EDIL3: variants seen among roughly 807,000 people sequenced by gnomAD.
EDIL3 encodes the protein EGF-like repeat and discoidin I-like domain-containing protein 3.
In EDIL3, 37 loss-of-function variants were observed where a neutral mutation model predicts 67.4. The ratio of observed to expected loss-of-function variants is 0.55; its 90% CI spans 0.42 to 0.72. The LOEUF (loss-of-function observed/expected upper bound fraction) is 0.72, where lower values mean the gene tolerates loss of function less well. Among genes scored for constraint, EDIL3 ranks in the 30% least tolerant of loss-of-function variants. The pLI is 0.00. For missense variants in EDIL3, 527 were observed against 586.3 expected (o/e 0.90, Z 1.04); for synonymous variants, 195 against 196.3 (o/e 0.99, Z 0.05).
chr5:84,278,555 T>C (rs1198584803), intron 1 of EDIL3, among the ~76,000 whole-genome samples: 1 of 152,172 alleles, frequency 6.6e-6, no homozygotes, highest in Admixed American at 6.6e-5. Context: ...CCCAATATTA[T>C]ATCAGGTATA....
chr5:84,229,298 G>A (rs1209451672), intron 3 of EDIL3, among the ~76,000 whole-genome samples: 1 of 152,026 alleles, frequency 6.6e-6, no homozygotes, highest in Non-Finnish European at 1.5e-5. Context: ...TAATTAGCTG[G>A]ATAAGGAACT....
intron 1 of EDIL3, among the ~76,000 whole-genome samples, chr5:84,259,391 T>C (rs1240140977): frequency 6.6e-6 from 1 of 152,248 alleles, no homozygotes; most frequent in African/African-American, 2.4e-5. Flanking sequence ...CTTCTGCATA[T>C]TGTAATGTGT....
intron 6 of EDIL3, among the ~76,000 whole-genome samples, chr5:84,101,487 A>G: frequency 6.6e-6 from 1 of 152,064 alleles, no homozygotes; most frequent in East Asian, 1.9e-4. Context: ...CCAAATAAAC[A>G]CAATTAGAAA....
chr5:84,142,538 AT>A (rs111321496), intron 4 of EDIL3, among the ~76,000 whole-genome samples: 2,121 of 152,136 alleles, frequency 0.014, 38 homozygotes, highest in East Asian at 0.038. Flanking sequence ...CCTCAGGAAA[AT>A]GCCATCTGTC....
intron 1 of EDIL3, among the ~76,000 whole-genome samples, chr5:84,270,708 A>G (rs1408450501): frequency 1.3e-5 from 2 of 152,208 alleles, no homozygotes; most frequent in African/African-American, 4.8e-5. Flanking sequence ...CACAATCATC[A>G]TAGGCCATGA....
chr5:84,161,648 T>C (rs960677557), intron 4 of EDIL3, among the ~76,000 whole-genome samples: 1 of 152,054 alleles, frequency 6.6e-6, no homozygotes, highest in Non-Finnish European at 1.5e-5. Context: ...TGTACCTTCC[T>C]TACTAAAATA....
At chr5:84,142,778 T>C (rs779805698) in intron 4 of EDIL3, among the ~76,000 whole-genome samples, 14 of 151,656 alleles carry the variant, frequency 9.2e-5, no homozygotes, top group Non-Finnish European at 1.3e-4. Flanking sequence ...GGGCTGAACA[T>C]ACTTTTTTGG....
chr5:84,180,608 GAA>G, intron 3 of EDIL3, 87 bp from the exon 4 acceptor site: 1 of 1,377,610 alleles, frequency 7.3e-7, no homozygotes, highest in Admixed American at 3.1e-5. Context: ...TAATTTTACA[GAA>G]AAAAGTGTTC....
At chr5:84,140,650 T>C (rs1748172283) in intron 4 of EDIL3, among the ~76,000 whole-genome samples, 1 of 152,140 alleles carries the variant, frequency 6.6e-6, no homozygotes, top group South Asian at 2.1e-4. Context: ...AAATGCTTTG[T>C]AGACACACTC....
chr5:83,982,429 G>A (rs997866320), intron 9 of EDIL3, among the ~76,000 whole-genome samples: 1 of 151,864 alleles, frequency 6.6e-6, no homozygotes, highest in African/African-American at 2.4e-5. Flanking sequence ...ATTATTCCAT[G>A]GCAAATCTCT....
chr5:83,964,736 G>A (rs751134854), intron 9 of EDIL3, among the ~76,000 whole-genome samples: 13 of 152,122 alleles, frequency 8.5e-5, no homozygotes, highest in South Asian at 2.1e-4. Flanking sequence ...TTAGACTCAA[G>A]TTGCGTGATG....
chr5:83,963,160 T>C (rs1158207519), intron 10 of EDIL3, 45 bp downstream of exon 10: 2 of 1,549,182 alleles, frequency 1.3e-6, no homozygotes, highest in Non-Finnish European at 1.7e-6. Flanking sequence ...GGGTGTAATT[T>C]GATCCTCCAC....
At chr5:84,277,352 C>T (rs1017552786) in intron 1 of EDIL3, among the ~76,000 whole-genome samples, 5 of 152,100 alleles carry the variant, frequency 3.3e-5, no homozygotes, top group African/African-American at 7.2e-5. Context: ...ACAAAATCTG[C>T]GGACACCTTG....
chr5:84,122,409 C>T (rs985265115), intron 5 of EDIL3, among the ~76,000 whole-genome samples: 11 of 151,884 alleles, frequency 7.2e-5, no homozygotes, highest in African/African-American at 1.9e-4. Flanking sequence ...ATGTGCACAA[C>T]GTGCAGGTTT....
chr5:84,174,899 C>T (rs150147258), intron 4 of EDIL3, among the ~76,000 whole-genome samples: 3 of 152,170 alleles, frequency 2.0e-5, no homozygotes, highest in South Asian at 2.1e-4. Flanking sequence ...GGGGAAATCA[C>T]GGAAGAATGA....
intron 6 of EDIL3, among the ~76,000 whole-genome samples, chr5:84,085,408 T>C (rs1747051959): frequency 6.6e-6 from 1 of 152,174 alleles, no homozygotes; most frequent in Non-Finnish European, 1.5e-5. Flanking sequence ...GTTTTCTGTT[T>C]GTTAGTTTCT....
chr5:84,111,558 A>C (rs1747565023), intron 5 of EDIL3, among the ~76,000 whole-genome samples: 1 of 152,236 alleles, frequency 6.6e-6, no homozygotes, highest in Non-Finnish European at 1.5e-5. Flanking sequence ...CATAGGGATA[A>C]ATAAGGCAGA....
chr5:84,179,391 A>T (rs924208151), intron 4 of EDIL3, among the ~76,000 whole-genome samples: 1 of 152,164 alleles, frequency 6.6e-6, no homozygotes, highest in Non-Finnish European at 1.5e-5. Flanking sequence ...TGCCCGTTGT[A>T]CAAAGCACAC....
intron 4 of EDIL3, among the ~76,000 whole-genome samples, chr5:84,176,384 C>A (rs1748916589): frequency 1.2e-5 from 1 of 84,576 alleles, no homozygotes; most frequent in Admixed American, 1.3e-4. Context: ...CCTAAACTGT[C>A]CTGTTTCTTT....
Sources: gnomAD v4.1 joint callset for allele counts (sites outside exome capture counted in the v4.1 genomes callset) on GRCh38, gnomAD v4.1.1 for gene constraint, MANE v1.5 for transcripts, NCBI Gene and HGNC (gene_info 2026-07-23, HGNC 2026-07-21) for gene names.